Variants in BCL2L13 observed in about 807,000 individuals in gnomAD.
BCL2L13 encodes bcl-2-like protein 13.
Under a neutral mutation model 25.8 loss-of-function variants are expected in BCL2L13, and 13 were observed. The ratio of observed to expected loss-of-function variants is 0.50; its 90% CI spans 0.33 to 0.80. The LOEUF (loss-of-function observed/expected upper bound fraction) is 0.80. Ranked by LOEUF, BCL2L13 falls within the 30% of genes least tolerant of loss-of-function variation. The pLI, the probability that BCL2L13 is intolerant of heterozygous loss-of-function variation, is 0.02. For missense variants in BCL2L13, 504 were observed against 574.9 expected (o/e 0.88, Z 1.26); for synonymous variants, 244 against 230.3 (o/e 1.06, Z -0.54).
chr22:17,649,873 T>TTTC (rs1555876461), intron 1 of BCL2L13, among the ~76,000 whole-genome samples: 5 of 11,092 alleles, frequency 4.5e-4, no homozygotes, highest in African/African-American at 6.2e-4. Context: ...TTTCTTTTCT[T>TTTC]TTTTTTTTTT....
Position 17,644,112 on chromosome 22 carries a change from T to C in BCL2L13, c.-51+5226T>C, listed in dbSNP as rs147889357. Among the ~76,000 whole-genome samples the C allele has an allele frequency of 2.3e-3, 340 of 151,078 alleles. 2 individuals carry two copies. Among genetic ancestry groups the C allele is most frequent in the Non-Finnish European group, 3.6e-3 (245 of 67,928 alleles). ...TTTTGGTAGAGATGGGATTTCACCA[T>C]GTTGGCCAGGCTGGTCTCGAACTCC... On this transcript the variant is annotated intron_variant, in intron 1 of 6. Coordinates refer to ENST00000317582, the MANE Select transcript of BCL2L13 (RefSeq NM_015367.4).
chr22:17,661,987 A>G (rs2059081592), intron 2 of BCL2L13, among the ~76,000 whole-genome samples: 1 of 149,580 alleles, frequency 6.7e-6, no homozygotes, highest in South Asian at 2.1e-4. Flanking sequence ...GTGAAACTCC[A>G]TCTCAAAAAA....
chr22:17,693,361 A>G (rs1360389646), intron 4 of BCL2L13, among the ~76,000 whole-genome samples: 2 of 78,866 alleles, frequency 2.5e-5, no homozygotes, highest in African/African-American at 4.4e-5. Context: ...TTATTTATTT[A>G]TTTAGTGTTT....
At chr22:17,725,040 C>T (rs555646055) in intron 6 of BCL2L13, among the ~76,000 whole-genome samples, 4 of 152,320 alleles carry the variant, frequency 2.6e-5, no homozygotes, top group South Asian at 4.1e-4. Context: ...AGTAGGCACA[C>T]GGTGGCCTGT....
intron 1 of BCL2L13, 124 bp from the exon 2 acceptor site, chr22:17,655,538 C>A: frequency 1.5e-6 from 1 of 657,760 alleles, no homozygotes; most frequent in Non-Finnish European, 2.2e-6. Flanking sequence ...CACTGCACTC[C>A]TGCCTGAGCG....
chr22:17,675,075 T>TACACAC (rs10537282), intron 2 of BCL2L13, among the ~76,000 whole-genome samples: 3 of 151,430 alleles, frequency 2.0e-5, no homozygotes, highest in African/African-American at 7.3e-5. Flanking sequence ...TACATATGTA[T>TACACAC]ACACACACAC....
intron 6 of BCL2L13, among the ~76,000 whole-genome samples, chr22:17,704,142 A>C (rs937326825): frequency 1.3e-5 from 2 of 152,088 alleles, no homozygotes; most frequent in Non-Finnish European, 2.9e-5. Flanking sequence ...GCTTGAGTGC[A>C]GTGCGCAATT....
At position 17,650,715 on chromosome 22, in the gene BCL2L13, G is replaced by GT. The variant is rs200961966; in HGVS notation, c.-50-4939dup. Among the ~76,000 whole-genome samples the GT allele has an allele frequency of 8.0e-3, 1,212 of 151,898 alleles. 25 individuals are homozygous for GT. Among genetic ancestry groups the GT allele is most frequent in the African/African-American group, 0.027 (1,128 of 41,420 alleles). On this transcript the variant is annotated intron_variant, in intron 1 of 6. Coordinates refer to ENST00000317582, the MANE Select transcript of BCL2L13 (RefSeq NM_015367.4). ...TGAAAATCACTGTTCATTCACATTG[G>GT]TTTTTTTTAAAAGATAGGATCTTGC...
At chr22:17,651,852 G>T (rs181536032) in intron 1 of BCL2L13, among the ~76,000 whole-genome samples, 2 of 152,004 alleles carry the variant, frequency 1.3e-5, no homozygotes, top group African/African-American at 2.4e-5. Context: ...CACCACGCCC[G>T]GCTAATTTTT....
intron 6 of BCL2L13, among the ~76,000 whole-genome samples, chr22:17,715,113 G>A (rs2060875909): frequency 8.9e-6 from 1 of 112,360 alleles, no homozygotes; most frequent in African/African-American, 3.3e-5. Context: ...AAAGACTTCA[G>A]TGTTAATTTT....
chr22:17,710,872 G>A lies in BCL2L13; in HGVS notation c.600+8486G>A, dbSNP rs546633789. Among the ~76,000 whole-genome samples the A allele has an allele frequency of 5.3e-5, 8 of 151,234 alleles. No homozygotes were observed. In the East Asian group the frequency reaches 9.7e-4, roughly 18 times the overall value. On this transcript the variant is annotated intron_variant, in intron 6 of 6. Transcript: ENST00000317582. The stretch of plus-strand genomic sequence containing the variant: ...AGGCTGGGCGACAGAGCGAGACTCC[G>A]TCTCAAAAAAAATAAAAATAAAAAA...
intron 2 of BCL2L13, among the ~76,000 whole-genome samples, chr22:17,673,647 G>T (rs1284152816): frequency 6.6e-6 from 1 of 151,836 alleles, no homozygotes; most frequent in Admixed American, 6.6e-5. Context: ...AAAGTGCTGG[G>T]ATTACAGGCA....
At chr22:17,714,274 CAG>C (rs2060849355) in intron 6 of BCL2L13, among the ~76,000 whole-genome samples, 1 of 151,700 alleles carries the variant, frequency 6.6e-6, no homozygotes, top group Non-Finnish European at 1.5e-5. Flanking sequence ...GCCTGGGCAA[CAG>C]AGTGAGACTC....
At chr22:17,653,482 C>T (rs1299631737) in intron 1 of BCL2L13, among the ~76,000 whole-genome samples, 2 of 150,964 alleles carry the variant, frequency 1.3e-5, no homozygotes, top group African/African-American at 2.4e-5. Flanking sequence ...TCTTCCTTAC[C>T]ACCTCCAGTA....
At chr22:17,670,748 C>T (rs1433544610) in intron 2 of BCL2L13, among the ~76,000 whole-genome samples, 8 of 152,126 alleles carry the variant, frequency 5.3e-5, no homozygotes, top group Non-Finnish European at 8.8e-5. Context: ...TGTACTGTTT[C>T]ATTCTTATCT....
At chr22:17,699,881 G>A (rs2060380234) in intron 5 of BCL2L13, among the ~76,000 whole-genome samples, 2 of 152,120 alleles carry the variant, frequency 1.3e-5, no homozygotes, top group Admixed American at 6.6e-5. Flanking sequence ...AGGATTATGT[G>A]TAAATCCTCT....
upstream of BCL2L13, among the ~76,000 whole-genome samples, chr22:17,636,292 C>G (rs1424150170): frequency 6.7e-6 from 1 of 148,782 alleles, no homozygotes; most frequent in Non-Finnish European, 1.5e-5. Flanking sequence ...CACTGCACTC[C>G]AGCCCAGGCA....
At chr22:17,639,645 T>C (rs910477389) in intron 1 of BCL2L13, among the ~76,000 whole-genome samples, 1 of 152,210 alleles carries the variant, frequency 6.6e-6, no homozygotes, top group Non-Finnish European at 1.5e-5. Flanking sequence ...AAAATAGCTA[T>C]CTCACTGTCT....
intron 2 of BCL2L13, among the ~76,000 whole-genome samples, chr22:17,664,633 T>TC (rs2059179185): frequency 6.6e-6 from 1 of 152,212 alleles, no homozygotes; most frequent in Admixed American, 6.5e-5. Context: ...CCATGAGGGC[T>TC]CCACCCCTAT....
Sources: allele counts gnomAD v4.1 joint callset (sites outside exome capture counted in the v4.1 genomes callset), GRCh38; gene constraint gnomAD v4.1.1; transcripts MANE v1.5; gene names NCBI Gene and HGNC (gene_info 2026-07-23, HGNC 2026-07-21).